TCF25: variants seen among roughly 807,000 people sequenced by gnomAD.
TCF25 encodes the protein TCF25 ribosome quality control complex subunit, also known as ribosome quality control complex subunit TCF25.
Under a neutral mutation model 83.1 loss-of-function variants are expected in TCF25, and 41 were observed. That is an observed-to-expected ratio of 0.49 (90% CI 0.38 to 0.64). TCF25 has a LOEUF of 0.64. Among genes scored for constraint, TCF25 ranks in the 30% least tolerant of loss-of-function variants. The pLI is 0.00. For missense variants in TCF25, 979 were observed against 914.5 expected, an observed-to-expected ratio of 1.07 and a Z score of -0.91; for synonymous variants, 458 against 365.0, an observed-to-expected ratio of 1.25 and a Z score of -2.90.
intron 1 of TCF25, 129 bp downstream of exon 1, chr16:89,873,988 G>T: frequency 8.5e-7 from 1 of 1,182,340 alleles, no homozygotes; most frequent in South Asian, 1.7e-5. Flanking sequence ...GGTCCCAGCC[G>T]CAGTGGGGAG....
In TCF25 at chr16:89,873,725, G is replaced by A. The variant is rs780368173; in HGVS notation, c.58G>A (p.Gly20Arg). 6 of 1,610,408 alleles carry A rather than the reference G, an allele frequency of 3.7e-6. No homozygotes were observed. The highest frequency in any genetic ancestry group is 1.1e-5 in the South Asian group (1 of 90,860). ...RGEQRGQEPL[G>R]PGALHFDLRD... ...GGAACAGCGCGGCCAGGAGCCCCTC[G>A]GGCCCGGCGCCTTGCATTTCGATCT... Residue 20 changes from glycine (G) to arginine (R), a missense_variant, in exon 1 of 18, where the codon GGG becomes AGG. Coordinates refer to ENST00000263346, the MANE Select transcript of TCF25 (RefSeq NM_014972.3).
chr16:89,895,266 C>T (rs1183597959), intron 8 of TCF25, 129 bp downstream of exon 8: 11 of 806,706 alleles, frequency 1.4e-5, no homozygotes, highest in Non-Finnish European at 2.1e-5. Flanking sequence ...ATACAACCTA[C>T]GTAGCACAAA....
At chr16:89,883,267 C>T (rs1408328695) in intron 1 of TCF25, 84 bp from the exon 2 acceptor site, 17 of 1,547,376 alleles carry the variant, frequency 1.1e-5, no homozygotes, top group African/African-American at 4.1e-5. Context: ...AACGCAAGCC[C>T]GTTCACATCT....
chr16:89,910,379 C>G, intron 16 of TCF25: 2 of 597,662 alleles, frequency 3.3e-6, no homozygotes, highest in Non-Finnish European at 5.9e-6. Context: ...CATCCTGTTC[C>G]CGCTGTCCAC....
intron 1 of TCF25, among the ~76,000 whole-genome samples, chr16:89,881,966 G>C (rs547702016): frequency 1.3e-4 from 20 of 152,012 alleles, no homozygotes; most frequent in African/African-American, 4.3e-4. Context: ...TGTTGGTCAG[G>C]CTGGTCTTGA....
intron 7 of TCF25, among the ~76,000 whole-genome samples, chr16:89,894,417 G>A (rs145163232): frequency 0.013 from 1,945 of 151,768 alleles, 13 homozygotes; most frequent in Middle Eastern, 0.027. Context: ...CGCAGCCGCC[G>A]GACAGCTCCC....
In TCF25 at chr16:89,886,028, C is replaced by T. The variant is rs557809045; in HGVS notation, c.548+62C>T. On this transcript the variant is annotated intron_variant, in intron 4 of 17. Coordinates refer to ENST00000263346, the MANE Select transcript of TCF25 (RefSeq NM_014972.3). ...TGCGGCTGCCCTTCTCTGCGGCTGCCCTTCTCTGCGGCTGCCCTTCTCTGT... is the reference window on the plus strand; with the variant it reads ...TGCGGCTGCCCTTCTCTGCGGCTGCTCTTCTCTGCGGCTGCCCTTCTCTGT... 92 of 1,416,370 alleles carry T rather than the reference C, an allele frequency of 6.5e-5. No homozygotes were observed. In the East Asian group the frequency reaches 2.1e-3, roughly 33 times the overall value. 87.7% of individuals were successfully genotyped at this position (1,416,370 alleles called of 1,614,324 possible).
chr16:89,882,980 A>G (rs1309331690), intron 1 of TCF25, among the ~76,000 whole-genome samples: 1 of 152,202 alleles, frequency 6.6e-6, no homozygotes, highest in Non-Finnish European at 1.5e-5. Context: ...TTGAGGAGAA[A>G]GGAGGAAGAA....
intron 1 of TCF25, among the ~76,000 whole-genome samples, chr16:89,875,169 A>G (rs1034094389): frequency 1.3e-5 from 2 of 152,192 alleles, no homozygotes; most frequent in African/African-American, 4.8e-5. Context: ...TTGGCCCCGT[A>G]AGTCTTTTTA....
At chr16:89,884,055 C>G (rs890720415) in intron 2 of TCF25, 1 of 166,720 alleles carries the variant, frequency 6.0e-6, no homozygotes, top group East Asian at 1.7e-4. Context: ...TGGGAGCTTG[C>G]TGGGTGCTGG....
At position 89,887,545 on chromosome 16, in the gene TCF25, C is replaced by T. The variant is rs1282837240; in HGVS notation, c.549-107C>T. 3.5e-6 allele frequency: 4 copies of T among 1,133,936 alleles called. No individual in the cohort carries two copies. In the African/African-American group the frequency reaches 4.9e-5, roughly 14 times the overall value. The allele number at this position is 1,133,936 out of a possible 1,614,324, so 70.2% of individuals were successfully genotyped here. A position where few individuals can be genotyped will look rare whatever the true frequency, so the allele number is the denominator to read the frequency against. ...AAAGGCCTGGAAGCTGCCTTTCAAA[C>T]CAAAAATCCGTGTTCTCTCCTTGAC... On this transcript the variant is annotated intron_variant, in intron 4 of 17. Transcript: ENST00000263346.
At chr16:89,909,255 T>A (rs2045340672) in intron 16 of TCF25, 5 of 867,624 alleles carry the variant, frequency 5.8e-6, no homozygotes, top group African/African-American at 5.3e-5. Context: ...CTCACGCCTG[T>A]AATTCCAGCA....
chr16:89,881,307 G>A (rs1229736192), intron 1 of TCF25, among the ~76,000 whole-genome samples: 1 of 152,086 alleles, frequency 6.6e-6, no homozygotes. Flanking sequence ...AGCTGATTGT[G>A]TTTTCTGAGG....
Position 89,904,178 on chromosome 16 carries a change from G to C in TCF25, c.1442G>C (p.Arg481Pro). The change falls in exon 13 of 18, where the codon CGC (arginine) becomes CCC (proline). Residue 481 changes from arginine (R) to proline (P), a missense_variant. By Grantham distance (103) the Arg-to-Pro change is moderately radical (BLOSUM62 -2). Coordinates refer to ENST00000263346, the MANE Select transcript of TCF25 (RefSeq NM_014972.3). ...CCCGACGCCAGCGTTTCCAGTCACC[G>C]CTTCTTTGGACCCAATGCTGAAATA... ...VRPDASVSSH[R>P]FFGPNAEISQ... 1 of 1,594,788 alleles carries C rather than the reference G, an allele frequency of 6.3e-7. No homozygotes were observed. The highest frequency in any genetic ancestry group is 8.5e-7 in the Non-Finnish European group (1 of 1,170,418).
Position 89,892,273 on chromosome 16 carries a change from C to T in TCF25, c.695C>T (p.Pro232Leu). The change falls in exon 6 of 18, where the codon CCA becomes CTA. Residue 232 changes from proline to leucine, a missense_variant and splice_region_variant. Coordinates refer to ENST00000263346, the MANE Select transcript of TCF25 (RefSeq NM_014972.3). ...AGCACCTGGCCCCGCTACAGCAAAC[C>T]AGGTGAGGGTCTGCAGATGCTGCTG... ...PKSTWPRYSK[P>L]GLSMRLLESK... The T allele has an allele frequency of 2.5e-6, 4 of 1,611,076 alleles. No homozygotes were observed. Among genetic ancestry groups the T allele is most frequent in the Non-Finnish European group, 3.4e-6 (4 of 1,178,974 alleles).
chr16:89,882,577 A>ATCGTATGAATTTTTTTT (rs2042690833), intron 1 of TCF25, among the ~76,000 whole-genome samples: 1 of 151,996 alleles, frequency 6.6e-6, no homozygotes, highest in African/African-American at 2.4e-5. Flanking sequence ...AATTATTTTT[A>ATCGTATGAATTTTTTTT]TCGTATGTCA....
chr16:89,874,020 C>T (rs1329631753), intron 1 of TCF25, among the ~76,000 whole-genome samples, 161 bp downstream of exon 1: 4 of 148,504 alleles, frequency 2.7e-5, no homozygotes, highest in African/African-American at 1.0e-4. Flanking sequence ...GCGTCGGGGC[C>T]AGGGCGACGC....
At chr16:89,897,160 G>C (rs751217555) in intron 9 of TCF25, among the ~76,000 whole-genome samples, 8 of 152,368 alleles carry the variant, frequency 5.3e-5, no homozygotes, top group East Asian at 1.9e-4. Context: ...GCTTTGGAAG[G>C]CTTTGCAGGT....
In TCF25 at chr16:89,911,343, C is replaced by G. The variant is rs538657617; in HGVS notation, c.*105C>G. The G allele has an allele frequency of 2.1e-6, 3 of 1,429,942 alleles. No homozygotes were observed. The highest frequency in any genetic ancestry group is 4.7e-5 in the East Asian group (2 of 42,884). The allele number at this position is 1,429,942 out of a possible 1,614,324, so 88.6% of individuals were successfully genotyped here. A position where few individuals can be genotyped will look rare whatever the true frequency, so the allele number is the denominator to read the frequency against. On this transcript the variant is annotated 3_prime_UTR_variant, in exon 18 of 18. Coordinates refer to ENST00000263346, the MANE Select transcript of TCF25 (RefSeq NM_014972.3). ...GTAGGGAAGCTGAGTGTGTCGCTCC[C>G]TGGTCCACTGTTTCTCCTATAAATG...
Sources: gnomAD v4.1 joint callset for allele counts (sites outside exome capture counted in the v4.1 genomes callset) on GRCh38, gnomAD v4.1.1 for gene constraint, MANE v1.5 for transcripts, NCBI Gene and HGNC (gene_info 2026-07-23, HGNC 2026-07-21) for gene names.